EP400: variants seen among roughly 807,000 people sequenced by gnomAD.
EP400 encodes E1A-binding protein p400.
In EP400, 105 loss-of-function variants were observed where a neutral mutation model predicts 354.1. The ratio of observed to expected loss-of-function variants is 0.30; its 90% CI spans 0.25 to 0.35. The LOEUF (loss-of-function observed/expected upper bound fraction) is 0.35, where lower values mean the gene tolerates loss of function less well. Among genes scored for constraint, EP400 ranks in the 10% least tolerant of loss-of-function variants. The pLI is 1.00. For missense variants in EP400, 3,280 were observed against 4,121.0 expected, an observed-to-expected ratio of 0.80 and a Z score of 5.59; for synonymous variants, 1,646 against 1,716.9, an observed-to-expected ratio of 0.96 and a Z score of 1.02.
rs1894343829 is a variant in EP400, at chr12:132,027,437, T to C, written c.5015T>C (p.Val1672Ala). Residue 1672 changes from valine (V) to alanine (A), a missense_variant and splice_region_variant, in exon 26 of 53, where the codon GTT becomes GCT. This residue lies in a region of EP400 where 459 missense variants were observed against 496.9 expected (regional missense o/e 0.92). Transcript: ENST00000389561. This position sits in a 1 kb window ranked among gnomAD's most constrained non-coding sequence, Gnocchi z 4.9. ...GPSPAPLTPQ[V>A]GVPGRVAVNA... The stretch of plus-strand genomic sequence containing the variant: ...CACCTCTTCCTTTATGCATTTGTAG[T>C]TGGCGTTCCGGGCCGCGTGGCGGTG... 6.2e-7 allele frequency: 1 copy of C among 1,614,108 alleles called. No homozygotes were observed. Among genetic ancestry groups the C allele is most frequent in the African/African-American group, 1.3e-5 (1 of 75,070 alleles).
chr12:131,990,214 AG>A lies in EP400; in HGVS notation c.2550+111del, dbSNP rs1334011959. ...CTTGCTTAGGAAGCTTTCGAGCACC[AG>A]AGTCAGCAACGTGTGCACTCTCCTG... On this transcript the variant is annotated intron_variant, in intron 8 of 52. Transcript: ENST00000389561. The surrounding 1 kb of genome is among the most constrained non-coding windows in gnomAD (Gnocchi z 4.2). The A allele has an allele frequency of 3.8e-6, 5 of 1,321,650 alleles. No individual in the cohort carries two copies. Among genetic ancestry groups the A allele is most frequent in the African/African-American group, 1.5e-5 (1 of 67,972 alleles). The allele number at this position is 1,321,650 out of a possible 1,614,324, so 81.9% of individuals were successfully genotyped here. A position where few individuals can be genotyped will look rare whatever the true frequency, so the allele number is the denominator to read the frequency against.
At chr12:131,986,994 C>T (rs1211938794) in intron 6 of EP400, among the ~76,000 whole-genome samples, 187 bp downstream of exon 6, 1 of 152,192 alleles carries the variant, frequency 6.6e-6, no homozygotes, top group East Asian at 1.9e-4. Context: ...TGGGGGCAGT[C>T]TGCGTTTTTG....
rs578081360 is a variant in EP400, at chr12:132,000,768, C to T, written c.2828-4309C>T. ...TAAGCTCTTCCTAGTCTTTTGTTAA[C>T]CCATTGATTAAGTGTTAAATTCCAG... On this transcript the variant is annotated intron_variant, in intron 12 of 52. Coordinates refer to ENST00000389561, the MANE Select transcript of EP400 (RefSeq NM_015409.5). 2.4e-4 allele frequency among the ~76,000 whole-genome samples: 36 copies of T among 152,264 alleles called. 1 individual carries two copies. The South Asian group carries it at 7.1e-3, about 30-fold the overall frequency.
intron 2 of EP400, among the ~76,000 whole-genome samples, chr12:131,969,792 G>A (rs1320190942): frequency 6.6e-6 from 1 of 152,216 alleles, no homozygotes; most frequent in African/African-American, 2.4e-5. Flanking sequence ...GCTCACGCCT[G>A]TAATCCCAGC....
At chr12:132,015,791 C>T (rs114938006) in intron 19 of EP400, among the ~76,000 whole-genome samples, 3 of 152,184 alleles carry the variant, frequency 2.0e-5, no homozygotes, top group Non-Finnish European at 4.4e-5. Flanking sequence ...GCCTCGCCCC[C>T]CTGGAGCACC....
chr12:131,954,585 C>G (rs571809533), intron 1 of EP400, among the ~76,000 whole-genome samples: 2 of 151,332 alleles, frequency 1.3e-5, no homozygotes, highest in African/African-American at 4.9e-5. Flanking sequence ...ATTGGCCGGG[C>G]GTGGTGGTGT....
intron 37 of EP400, 117 bp from the exon 38 acceptor site, chr12:132,045,202 C>T (rs781111809): frequency 6.7e-7 from 1 of 1,491,832 alleles, no homozygotes; most frequent in Non-Finnish European, 9.0e-7. Flanking sequence ...CAGGTGCTTT[C>T]TGTGGCCTCT....
intron 2 of EP400, among the ~76,000 whole-genome samples, chr12:131,971,471 G>A (rs1301436468): frequency 2.6e-5 from 4 of 152,178 alleles, no homozygotes; most frequent in Admixed American, 2.0e-4. Context: ...TCAAGACACG[G>A]ATTTCCTTTC....
At chr12:131,953,818 G>T (rs540040273) in intron 1 of EP400, among the ~76,000 whole-genome samples, 1 of 152,264 alleles carries the variant, frequency 6.6e-6, no homozygotes, top group South Asian at 2.1e-4. Context: ...GAGATTGAAA[G>T]AATTTTGTGG....
intron 50 of EP400, 36 bp from the exon 51 acceptor site, chr12:132,069,459 G>A: frequency 6.2e-7 from 1 of 1,605,670 alleles, no homozygotes. Context: ...AGCGCGGCAT[G>A]GTCTCTGCGG....
chr12:132,071,091 G>A (rs968392207), intron 51 of EP400, among the ~76,000 whole-genome samples: 2 of 152,202 alleles, frequency 1.3e-5, no homozygotes, highest in African/African-American at 2.4e-5. Flanking sequence ...GTCAGAGTCC[G>A]TATTTCACTG....
rs550763452 is a variant in EP400 at position 131,984,177 on chromosome 12, C to T, written c.1929+1699C>T. 2.4e-4 allele frequency among the ~76,000 whole-genome samples: 37 copies of T among 152,150 alleles called. 1 individual carries two copies. The highest frequency in any genetic ancestry group is 4.3e-4 in the Non-Finnish European group (29 of 68,036). On this transcript the variant is annotated intron_variant, in intron 5 of 52. Transcript: ENST00000389561. Reference sequence around the variant, plus strand: ...CCTTCCAAAGTGCTGGGATTACAGGCGTGAGTCACCGCACCCGGCCTACAG... The same window carrying T: ...CCTTCCAAAGTGCTGGGATTACAGGTGTGAGTCACCGCACCCGGCCTACAG...
At position 132,020,172 on chromosome 12, in the gene EP400, A is replaced by C; in HGVS notation, c.4401A>C (p.Arg1467=). 6.2e-7 allele frequency: 1 copy of C among 1,610,658 alleles called. No individual in the cohort carries two copies. Among genetic ancestry groups the C allele is most frequent in the Non-Finnish European group, 8.5e-7 (1 of 1,178,700 alleles). ...CTGCTGCTCCACAGGGCCCGCTTCG[A>C]GGACGGCCGCCCATCGCCACGTTCT... ...TASAAPQGPL[R]GRPPIATFSA... Residue 1467 remains arginine (R), a synonymous_variant, in exon 22 of 53, where the codon CGA becomes CGC. Transcript: ENST00000389561.
intron 15 of EP400, among the ~76,000 whole-genome samples, chr12:132,009,400 G>T (rs1037617670): frequency 2.0e-5 from 3 of 152,150 alleles, no homozygotes; most frequent in Non-Finnish European, 2.9e-5. Flanking sequence ...CCCCACACTG[G>T]TACAGATGAA....
intron 30 of EP400, among the ~76,000 whole-genome samples, chr12:132,036,500 G>T (rs529600071): frequency 6.6e-6 from 1 of 152,272 alleles, no homozygotes; most frequent in Non-Finnish European, 1.5e-5. Flanking sequence ...TCACACTGAC[G>T]TGGCTGCTGG....
At position 132,055,134 on chromosome 12, in the gene EP400, G is replaced by T. The variant is rs775034973; in HGVS notation, c.7810G>T (p.Ala2604Ser). 4 of 1,611,062 alleles carry T rather than the reference G, an allele frequency of 2.5e-6. No homozygotes were observed. The highest frequency in any genetic ancestry group is 1.7e-6 in the Non-Finnish European group (2 of 1,178,460). Residue 2604 changes from alanine (A) to serine (S), a missense_variant, in exon 45 of 53, where the codon GCA becomes TCA. Physicochemically the swap from Ala to Ser is moderately conservative, Grantham distance 99 (BLOSUM62 1). This residue lies in a region of EP400 where 255 missense variants were observed against 295.9 expected (regional missense o/e 0.86). Coordinates refer to ENST00000389561, the MANE Select transcript of EP400 (RefSeq NM_015409.5). ...VSGNVIVNTI[A>S]GVPAATFQSI... The stretch of plus-strand genomic sequence containing the variant: ...TGGAAATGTGATCGTGAACACCATC[G>T]CAGGGGTCCCAGCTGCCACCTTCCA...
At chr12:131,987,407 T>C (rs184158184) in intron 6 of EP400, among the ~76,000 whole-genome samples, 37 of 152,264 alleles carry the variant, frequency 2.4e-4, no homozygotes, top group Admixed American at 1.1e-3. Context: ...GTAAACACTT[T>C]GGTAGAAACA....
At chr12:132,031,393 G>A (rs180689560) in intron 29 of EP400, 11 of 518,960 alleles carry the variant, frequency 2.1e-5, no homozygotes, top group Non-Finnish European at 3.5e-5. Flanking sequence ...TTTCCTTCTT[G>A]TCACTCATGG....
chr12:132,021,251 G>T lies in EP400; in HGVS notation c.4620G>T (p.Ser1540=). ...GQPPPQPQAP[S]HAAGQSALPQ... is the part of the protein sequence containing the mutation. ...CCCCGCCCCAGCCCCAGGCCCCCTCGCACGCGGCCGGGCAGAGCGCGCTGC... is the reference window on the plus strand; with the variant it reads ...CCCCGCCCCAGCCCCAGGCCCCCTCTCACGCGGCCGGGCAGAGCGCGCTGC... The change falls in exon 23 of 53, where the codon TCG becomes TCT. Residue 1540 remains serine (S), a synonymous_variant. Coordinates refer to ENST00000389561, the MANE Select transcript of EP400 (RefSeq NM_015409.5). 1.3e-6 allele frequency: 2 copies of T among 1,544,184 alleles called. No homozygotes were observed. The highest frequency in any genetic ancestry group is 1.7e-6 in the Non-Finnish European group (2 of 1,151,316).
Sources: gnomAD v4.1 joint callset for allele counts (sites outside exome capture counted in the v4.1 genomes callset) on GRCh38, gnomAD v4.1.1 for gene constraint, gnomAD v4.1.1 regional missense constraint, Gnocchi (gnomAD v3.1) non-coding constraint, MANE v1.5 for transcripts, NCBI Gene and HGNC (gene_info 2026-07-23, HGNC 2026-07-21) for gene names.